NUDT3: variants seen among roughly 807,000 people sequenced by gnomAD.
NUDT3 encodes diphosphoinositol polyphosphate phosphohydrolase 1.
Under a neutral mutation model 23.6 loss-of-function variants are expected in NUDT3, and 9 were observed. That is an observed-to-expected ratio of 0.38 (90% CI 0.23 to 0.66). NUDT3 has a LOEUF of 0.66. NUDT3 is among the 30% of genes least tolerant of loss of function. The pLI, the probability that NUDT3 is intolerant of heterozygous loss-of-function variation, is 0.52. For synonymous variants in NUDT3, 86 were observed against 82.6 expected (o/e 1.04, Z -0.22); for missense variants, 172 against 218.5 (o/e 0.79, Z 1.34).
intron 2 of NUDT3, among the ~76,000 whole-genome samples, chr6:34,329,289 T>A (rs918158058): frequency 5.3e-5 from 8 of 151,116 alleles, no homozygotes; most frequent in Admixed American, 5.3e-4. Flanking sequence ...AGAACAACCA[T>A]TTTTTTTTGA....
chr6:34,349,012 A>T (rs1242784699), intron 1 of NUDT3, among the ~76,000 whole-genome samples: 1 of 152,050 alleles, frequency 6.6e-6, no homozygotes, highest in Admixed American at 6.5e-5. Context: ...GGCATGGTTA[A>T]TATTTTTTAT....
intron 1 of NUDT3, among the ~76,000 whole-genome samples, chr6:34,364,544 AAAC>A (rs1301088745): frequency 1.3e-5 from 2 of 152,176 alleles, no homozygotes; most frequent in Non-Finnish European, 2.9e-5. Context: ...GAACAAATCT[AAAC>A]AACGGGAAGT....
At chr6:34,325,217 A>G (rs950202243) in intron 2 of NUDT3, among the ~76,000 whole-genome samples, 2 of 151,338 alleles carry the variant, frequency 1.3e-5, no homozygotes, top group Admixed American at 1.3e-4. Flanking sequence ...ATTACTTTAT[A>G]TAATGAATTT....
intron 1 of NUDT3, among the ~76,000 whole-genome samples, chr6:34,376,109 G>C (rs1417646234): frequency 6.6e-6 from 1 of 152,124 alleles, no homozygotes; most frequent in African/African-American, 2.4e-5. Flanking sequence ...GTTGAATTCA[G>C]TTCATCACTT....
Position 34,306,658 on chromosome 6 carries a change from C to T in NUDT3, c.211-10973G>A, listed in dbSNP as rs146559929. ...ATTCCACCTCTATTCAGGGTTCCAA[C>T]ACAAACCAGCTCAAATACAGTACTA... On this transcript the variant is annotated intron_variant, in intron 2 of 4. Coordinates refer to ENST00000607016, the MANE Select transcript of NUDT3 (RefSeq NM_006703.4). Among the ~76,000 whole-genome samples, 363 of 152,330 alleles carry T rather than the reference C, an allele frequency of 2.4e-3. 1 individual carries two copies. Among genetic ancestry groups the T allele is most frequent in the African/African-American group, 8.1e-3 (337 of 41,564 alleles).
chr6:34,319,288 A>G lies in NUDT3; in HGVS notation c.210+22574T>C, dbSNP rs151109303. On this transcript the variant is annotated intron_variant, in intron 2 of 4. Transcript: ENST00000607016. ...CCCCAGAAACCAAGGTTGAGGGCTCAGTCCCACAACACCCTCCTTCCTACC... is the reference window on the plus strand; with the variant it reads ...CCCCAGAAACCAAGGTTGAGGGCTCGGTCCCACAACACCCTCCTTCCTACC... Among the ~76,000 whole-genome samples the G allele has an allele frequency of 1.4e-3, 209 of 152,324 alleles. 1 individual carries two copies. Among genetic ancestry groups the G allele is most frequent in the Admixed American group, 3.5e-3 (54 of 15,294 alleles).
At position 34,392,285 on chromosome 6, in the gene NUDT3, G is replaced by T. The variant is rs146760187; in HGVS notation, c.78C>A (p.Phe26Leu). The T allele has an allele frequency of 5.4e-4, 870 of 1,603,796 alleles. 1 individual carries two copies. The African/African-American group carries it at 6.1e-3, about 11-fold the overall frequency. The change falls in exon 1 of 5, where the codon TTC becomes TTA. Residue 26 changes from phenylalanine to leucine, a missense_variant. Transcript: ENST00000607016. The part of the protein sequence containing the change: ...GYKKRAACLC[F>L]RSESEEEVLL... ...TCACCTCCTCCTCGCTCTCGCTGCG[G>T]AAACACAGGCATGCGGCCCGCTTCT...
intron 1 of NUDT3, among the ~76,000 whole-genome samples, chr6:34,370,768 A>C (rs922233111): frequency 1.3e-5 from 2 of 152,212 alleles, no homozygotes; most frequent in Non-Finnish European, 2.9e-5. Flanking sequence ...TAGTTGTTGT[A>C]CTGTTGATGA....
chr6:34,317,286 T>C (rs1475817461), intron 2 of NUDT3, among the ~76,000 whole-genome samples: 1 of 151,970 alleles, frequency 6.6e-6, no homozygotes, highest in East Asian at 1.9e-4. Flanking sequence ...AGAATAGCAG[T>C]GGTTAGGGAT....
At chr6:34,365,018 C>T (rs1424982953) in intron 1 of NUDT3, among the ~76,000 whole-genome samples, 1 of 151,802 alleles carries the variant, frequency 6.6e-6, no homozygotes, top group Non-Finnish European at 1.5e-5. Flanking sequence ...GAGACTTCGT[C>T]TCAAAAATAA....
chr6:34,342,836 T>G (rs936689062), intron 1 of NUDT3, among the ~76,000 whole-genome samples: 1 of 152,174 alleles, frequency 6.6e-6, no homozygotes, highest in Non-Finnish European at 1.5e-5. Context: ...CCTTGTTGCC[T>G]CAAATGAAAT....
intron 2 of NUDT3, among the ~76,000 whole-genome samples, chr6:34,334,087 C>G (rs1039039377): frequency 6.6e-6 from 1 of 152,246 alleles, no homozygotes; most frequent in Non-Finnish European, 1.5e-5. Flanking sequence ...TGTTGTTCCA[C>G]CTGTCACGAG....
At chr6:34,308,422 C>G (rs76033803) in intron 2 of NUDT3, among the ~76,000 whole-genome samples, 14,179 of 148,600 alleles carry the variant, frequency 0.095, 782 homozygotes, top group Non-Finnish European at 0.12. Context: ...GATTGCACCA[C>G]TGCACTCCAG....
At chr6:34,354,119 T>C (rs1472839477) in intron 1 of NUDT3, among the ~76,000 whole-genome samples, 3 of 151,714 alleles carry the variant, frequency 2.0e-5, no homozygotes, top group Admixed American at 6.6e-5. Context: ...GGTTTCACCA[T>C]GTTGGCCAGG....
In NUDT3 at chr6:34,288,563, T is replaced by A; in HGVS notation, c.*190A>T. 1 of 749,426 alleles carries A rather than the reference T, an allele frequency of 1.3e-6. No individual in the cohort carries two copies. The highest frequency in any genetic ancestry group is 2.0e-6 in the Non-Finnish European group (1 of 494,194). 46.4% of individuals were successfully genotyped at this position (749,426 alleles called of 1,614,324 possible). A position where few individuals can be genotyped will look rare whatever the true frequency, so the allele number is the denominator to read the frequency against. ...TTACACACCCAACCCCCACCCTCAA[T>A]AAAAACAGAAGAAAAAGCCCCATCA... On this transcript the variant is annotated 3_prime_UTR_variant, in exon 5 of 5. Transcript: ENST00000607016.
At chr6:34,357,325 G>GT (rs796073863) in intron 1 of NUDT3, among the ~76,000 whole-genome samples, 13 of 150,678 alleles carry the variant, frequency 8.6e-5, no homozygotes, top group African/African-American at 2.9e-4. Flanking sequence ...ATAATAAAAG[G>GT]TTTTTTTTTA....
chr6:34,347,448 CATAG>C (rs1363018239), intron 1 of NUDT3, among the ~76,000 whole-genome samples: 1 of 148,932 alleles, frequency 6.7e-6, no homozygotes, highest in Non-Finnish European at 1.5e-5. Flanking sequence ...CACACCCATC[CATAG>C]ATAGACTCTT....
chr6:34,359,309 G>T (rs1764612407), intron 1 of NUDT3, among the ~76,000 whole-genome samples: 1 of 152,132 alleles, frequency 6.6e-6, no homozygotes, highest in Admixed American at 6.6e-5. Flanking sequence ...GGAGGTGGAG[G>T]ATGCAGTGAG....
At chr6:34,352,437 T>C (rs777062296) in intron 1 of NUDT3, among the ~76,000 whole-genome samples, 4 of 152,216 alleles carry the variant, frequency 2.6e-5, no homozygotes, top group Non-Finnish European at 5.9e-5. Flanking sequence ...CTCAAAGTGC[T>C]GGAATTACAG....
Sources: gnomAD v4.1 joint callset for allele counts (sites outside exome capture counted in the v4.1 genomes callset) on GRCh38, gnomAD v4.1.1 for gene constraint, MANE v1.5 for transcripts, NCBI Gene and HGNC (gene_info 2026-07-23, HGNC 2026-07-21) for gene names.